DSP: variants seen among roughly 807,000 people sequenced by gnomAD.
DSP encodes the protein 250/210 kDa paraneoplastic pemphigus antigen.
In DSP, 114 loss-of-function variants were observed where a neutral mutation model predicts 290.6. The observed-to-expected ratio is 0.39, with a 90% confidence interval of 0.34 to 0.46. The LOEUF is 0.46. Among genes scored for constraint, DSP ranks in the 20% least tolerant of loss-of-function variants. DSP has a pLI of 0.99. For synonymous variants in DSP, 1,311 were observed against 1,316.4 expected (o/e 1.00, Z 0.09); for missense variants, 3,230 against 3,495.8 (o/e 0.92, Z 1.92).
intron 8 of DSP, 92 bp downstream of exon 8, chr6:7,566,573 A>G: frequency 9.6e-7 from 1 of 1,042,294 alleles, no homozygotes; most frequent in Non-Finnish European, 1.4e-6. Context: ...TATGACTTAA[A>G]GCCGTGCCAA....
Position 7,585,121 on chromosome 6 carries a change from C to T in DSP, c.7859C>T (p.Ala2620Val). ...SDTLEESSPI[A>V]AIFDTENLEK... ...ACCCTGGAAGAATCGAGCCCCATTGCAGCCATCTTTGACACAGAAAACCTG... is the reference window on the plus strand; with the variant it reads ...ACCCTGGAAGAATCGAGCCCCATTGTAGCCATCTTTGACACAGAAAACCTG... Residue 2620 changes from alanine (A) to valine (V), a missense_variant, in exon 24 of 24, where the codon GCA becomes GTA. Physicochemically the swap from Ala to Val is moderately conservative, Grantham distance 64 (BLOSUM62 0). Coordinates refer to ENST00000379802, the MANE Select transcript of DSP (RefSeq NM_004415.4). 1 of 1,614,170 alleles carries T rather than the reference C, an allele frequency of 6.2e-7. No homozygotes were observed. Among genetic ancestry groups the T allele is most frequent in the South Asian group, 1.1e-5 (1 of 91,086 alleles).
At chr6:7,558,342 C>A (rs1463568000) in intron 3 of DSP, 78 bp downstream of exon 3, 2 of 1,549,296 alleles carry the variant, frequency 1.3e-6, no homozygotes, top group African/African-American at 1.4e-5. Context: ...AATTCCATGA[C>A]CCAGGGCTTC....
chr6:7,564,064 C>T (rs566181467), intron 6 of DSP, among the ~76,000 whole-genome samples: 6 of 152,320 alleles, frequency 3.9e-5, no homozygotes, highest in African/African-American at 1.4e-4. Flanking sequence ...TTCCAAAGTG[C>T]TGGGATTACA....
chr6:7,574,000 T>C (rs756135717), intron 15 of DSP, 86 bp from the exon 16 acceptor site: 1 of 1,412,312 alleles, frequency 7.1e-7, no homozygotes, highest in Non-Finnish European at 1.0e-6. Flanking sequence ...TCTATGTGTA[T>C]TAAAACAGCA....
intron 17 of DSP, 30 bp downstream of exon 17, chr6:7,574,825 A>G: frequency 1.2e-6 from 2 of 1,614,082 alleles, no homozygotes; most frequent in Non-Finnish European, 1.7e-6. Flanking sequence ...CAGTGGCCCA[A>G]CTTACAGGAA....
chr6:7,551,941 C>T (rs1450969933), intron 1 of DSP, among the ~76,000 whole-genome samples: 1 of 152,166 alleles, frequency 6.6e-6, no homozygotes, highest in Admixed American at 6.5e-5. Flanking sequence ...TCGCCTCGGT[C>T]TGTTTCCAAA....
At chr6:7,557,792 A>G (rs148115454) in intron 2 of DSP, among the ~76,000 whole-genome samples, 1 of 152,312 alleles carries the variant, frequency 6.6e-6, no homozygotes, top group African/African-American at 2.4e-5. Context: ...ATAATGGTAC[A>G]GTGTCCTTGT....
At chr6:7,558,837 T>C (rs1469954622) in intron 3 of DSP, among the ~76,000 whole-genome samples, 1 of 152,086 alleles carries the variant, frequency 6.6e-6, no homozygotes, top group East Asian at 1.9e-4. Context: ...CTTAGTTTAA[T>C]AAATATAAAA....
In DSP at chr6:7,583,615, G is replaced by C. The variant is rs1759528689; in HGVS notation, c.6353G>C (p.Arg2118Thr). 1 of 1,614,194 alleles carries C rather than the reference G, an allele frequency of 6.2e-7. No individual in the cohort carries two copies. Among genetic ancestry groups the C allele is most frequent in the Non-Finnish European group, 8.5e-7 (1 of 1,180,040 alleles). Residue 2118 changes from arginine (R) to threonine (T), a missense_variant, in exon 24 of 24, where the codon AGA becomes ACA. Physicochemically the swap from Arg to Thr is moderately conservative, Grantham distance 71. This residue lies in a region of DSP where 1,714 missense variants were observed against 1,844.5 expected (regional missense o/e 0.93). Transcript: ENST00000379802. This position sits in a 1 kb window ranked among gnomAD's most constrained non-coding sequence, Gnocchi z 4.0. ...GCCATCAAGAAAAATTTGATTGATA[G>C]AGAAACCGGAATGCGCCTGCTGGAA... The part of the protein sequence containing the change: ...SEAIKKNLID[R>T]ETGMRLLEAQ...
chr6:7,583,856 G>A lies in DSP; in HGVS notation c.6594G>A (p.Leu2198=). Residue 2198 remains leucine, a synonymous_variant, in exon 24 of 24, where the codon CTG becomes CTA. Coordinates refer to ENST00000379802, the MANE Select transcript of DSP (RefSeq NM_004415.4). The surrounding 1 kb of genome is among the most constrained non-coding windows in gnomAD (Gnocchi z 4.0). The part of the protein sequence containing the change: ...ERCRIEPHTG[L]LLLSVQKRSM... ...GCAGAATCGAACCACATACTGGTCT[G>A]CTCTTGCTTTCAGTACAGAAGAGAA... 1 of 1,614,142 alleles carries A rather than the reference G, an allele frequency of 6.2e-7. No individual in the cohort carries two copies. Among genetic ancestry groups the A allele is most frequent in the Non-Finnish European group, 8.5e-7 (1 of 1,180,022 alleles).
Position 7,565,973 on chromosome 6 carries a change from TTAAAA to T in DSP, c.940-398_940-394del, listed in dbSNP as rs1375839953. On this transcript the variant is annotated intron_variant, in intron 7 of 23. Transcript: ENST00000379802. This position sits in a 1 kb window ranked among gnomAD's most constrained non-coding sequence, Gnocchi z 4.2. ...CAAACCTGCACATGTATCCCTGAAC[TTAAAA>T]TAAAAGTTAAAAAGAAAAAGAGGGG... 2.6e-5 allele frequency among the ~76,000 whole-genome samples: 4 copies of T among 152,276 alleles called. No individual in the cohort carries two copies. Among genetic ancestry groups the T allele is most frequent in the African/African-American group, 7.2e-5 (3 of 41,546 alleles).
intron 17 of DSP, among the ~76,000 whole-genome samples, 184 bp downstream of exon 17, chr6:7,574,979 T>C (rs546003461): frequency 1.3e-5 from 2 of 152,340 alleles, no homozygotes; most frequent in Admixed American, 6.5e-5. Context: ...GCAGGAACTA[T>C]ATAAGAAAGT....
In DSP at chr6:7,578,638, ACATGGATT is replaced by A. The variant is rs1759323133; in HGVS notation, c.3084+77_3084+84del. The A allele has an allele frequency of 5.9e-6, 7 of 1,182,636 alleles. No individual in the cohort carries two copies. In the South Asian group the frequency reaches 7.4e-5, roughly 12 times the overall value. 73.3% of individuals were successfully genotyped at this position (1,182,636 alleles called of 1,614,324 possible). On this transcript the variant is annotated intron_variant, in intron 22 of 23. Coordinates refer to ENST00000379802, the MANE Select transcript of DSP (RefSeq NM_004415.4). ...ACCTTATTATTACTTCCACATTATA[ACATGGATT>A]TGGACACATCCTGGTGAAACTGTAT...
chr6:7,554,893 A>G (rs761047921), intron 1 of DSP, among the ~76,000 whole-genome samples: 4 of 152,004 alleles, frequency 2.6e-5, no homozygotes, highest in Non-Finnish European at 5.9e-5. Flanking sequence ...AGACTTAATC[A>G]GTCTGCCTGC....
chr6:7,555,935 G>C, intron 2 of DSP, 115 bp downstream of exon 2: 1 of 868,906 alleles, frequency 1.2e-6, no homozygotes, highest in Non-Finnish European at 1.9e-6. Flanking sequence ...GTAGTGTTTA[G>C]AGACACGCTT....
intron 3 of DSP, 27 bp downstream of exon 3, chr6:7,558,291 C>T: frequency 1.2e-6 from 2 of 1,607,098 alleles, no homozygotes; most frequent in Non-Finnish European, 1.7e-6. Context: ...ATGGATCGGG[C>T]AGTCCCCATG....
rs1759421652 is a variant in DSP, at chr6:7,581,062, T to C, written c.4872T>C (p.Ile1624=). ...CCCAGCAGCTGGAGCAGGCATCCAT[T>C]GTTAAGAAGAGGAGTGAGGATGACC... ...NLTQQLEQAS[I]VKKRSEDDLR... The change falls in exon 23 of 24, where the codon ATT becomes ATC. Residue 1624 remains isoleucine, a synonymous_variant. Transcript: ENST00000379802. 2 of 1,613,868 alleles carry C rather than the reference T, an allele frequency of 1.2e-6. No homozygotes were observed. The highest frequency in any genetic ancestry group is 1.3e-5 in the African/African-American group (1 of 74,974).
At chr6:7,544,016 ATC>A (rs1758097914) in intron 1 of DSP, among the ~76,000 whole-genome samples, 1 of 152,120 alleles carries the variant, frequency 6.6e-6, no homozygotes, top group Non-Finnish European at 1.5e-5. Context: ...CAAGTCTCAC[ATC>A]TCTCTGGGAA....
rs770489625 is a variant in DSP, at chr6:7,579,720, T to A, written c.3530T>A (p.Leu1177Gln). The change falls in exon 23 of 24, where the codon CTA becomes CAA. Residue 1177 changes from leucine (L) to glutamine (Q), a missense_variant. Physicochemically the swap from Leu to Gln is moderately radical, Grantham distance 113 (BLOSUM62 -2). Transcript: ENST00000379802. The surrounding 1 kb of genome is among the most constrained non-coding windows in gnomAD (Gnocchi z 4.1). ...KEYEIERLRV[L>Q]LQEEGTRKRE... ...TACGAGATTGAAAGGTTGAGGGTTC[T>A]ACTGCAGGAAGAAGGCACCCGGAAG... 17 of 1,613,576 alleles carry A rather than the reference T, an allele frequency of 1.1e-5. No homozygotes were observed. Among genetic ancestry groups the A allele is most frequent in the Non-Finnish European group, 1.3e-5 (15 of 1,179,802 alleles).
Sources: allele counts gnomAD v4.1 joint callset (sites outside exome capture counted in the v4.1 genomes callset), GRCh38; gene constraint gnomAD v4.1.1; regional missense constraint gnomAD v4.1.1; non-coding constraint Gnocchi (gnomAD v3.1); transcripts MANE v1.5; gene names NCBI Gene and HGNC (gene_info 2026-07-23, HGNC 2026-07-21).